DEPDC5: variants seen among roughly 807,000 people sequenced by gnomAD.
DEPDC5 encodes DEP domain containing 5, GATOR1 subcomplex subunit, also known as GATOR1 complex protein DEPDC5.
A neutral mutation model predicts 217.3 loss-of-function variants in DEPDC5; 73 were observed. The ratio of observed to expected loss-of-function variants is 0.34; its 90% CI spans 0.28 to 0.41. DEPDC5 has a LOEUF of 0.41. Among genes scored for constraint, DEPDC5 ranks in the 10% least tolerant of loss-of-function variants. DEPDC5 has a pLI of 1.00. For missense variants in DEPDC5, 1,675 were observed against 2,070.1 expected (o/e 0.81, Z 3.70); for synonymous variants, 733 against 756.7 (o/e 0.97, Z 0.51).
chr22:31,879,195 C>T (rs566280226), intron 37 of DEPDC5, among the ~76,000 whole-genome samples: 5 of 151,134 alleles, frequency 3.3e-5, no homozygotes, highest in African/African-American at 1.2e-4. Context: ...AAATGAACAG[C>T]TCAGTGCATT....
intron 18 of DEPDC5, among the ~76,000 whole-genome samples, chr22:31,808,853 TTG>T (rs1476773524): frequency 6.6e-6 from 1 of 151,948 alleles, no homozygotes; most frequent in African/African-American, 2.4e-5. Flanking sequence ...GCATGAGCCT[TTG>T]TACTCGGCTA....
chr22:31,884,417 C>G (rs1242392305), intron 38 of DEPDC5, among the ~76,000 whole-genome samples: 1 of 152,232 alleles, frequency 6.6e-6, no homozygotes, highest in Non-Finnish European at 1.5e-5. Context: ...GAACAGCCTT[C>G]CCAATGCAGG....
chr22:31,817,518 T>C, intron 21 of DEPDC5: 1 of 440,578 alleles, frequency 2.3e-6, no homozygotes. Flanking sequence ...AGACAGGTTC[T>C]CACTCTGTTG....
At chr22:31,898,550 G>A (rs753400906) in intron 40 of DEPDC5, among the ~76,000 whole-genome samples, 22 of 152,184 alleles carry the variant, frequency 1.4e-4, no homozygotes, top group Non-Finnish European at 1.5e-4. Flanking sequence ...ACGTAAGAGA[G>A]ATGCTTTCTT....
chr22:31,897,060 G>A (rs939530357), intron 39 of DEPDC5, among the ~76,000 whole-genome samples: 3 of 151,974 alleles, frequency 2.0e-5, no homozygotes, highest in Admixed American at 2.0e-4. Context: ...GAGGTTGCAG[G>A]GAGCTGAGAT....
intron 37 of DEPDC5, among the ~76,000 whole-genome samples, chr22:31,878,405 G>A (rs2093064972): frequency 6.6e-6 from 1 of 152,100 alleles, no homozygotes; most frequent in African/African-American, 2.4e-5. Context: ...TTTGAGGTAT[G>A]AAACTGATCA....
chr22:31,887,876 A>C (rs1157294821), intron 38 of DEPDC5, among the ~76,000 whole-genome samples: 1 of 152,158 alleles, frequency 6.6e-6, no homozygotes, highest in East Asian at 1.9e-4. Flanking sequence ...TGTTTTCTTT[A>C]AATTGAGCTG....
intron 7 of DEPDC5, among the ~76,000 whole-genome samples, chr22:31,774,345 A>T (rs924598352): frequency 6.6e-6 from 1 of 151,304 alleles, no homozygotes; most frequent in Admixed American, 6.6e-5. Flanking sequence ...GATCACAGGC[A>T]CCCGCCACCA....
intron 10 of DEPDC5, 47 bp from the exon 11 acceptor site, chr22:31,791,986 A>G: frequency 1.6e-6 from 2 of 1,216,582 alleles, no homozygotes; most frequent in South Asian, 2.5e-5. Context: ...TTCATAGTGA[A>G]GTAAATGAAA....
At chr22:31,879,502 T>C (rs1447233854) in intron 37 of DEPDC5, 23 bp from the exon 38 acceptor site, 8 of 1,601,206 alleles carry the variant, frequency 5.0e-6, no homozygotes, top group Non-Finnish European at 5.9e-6. Context: ...GAGTACTCCT[T>C]CTCTCCCCTC....
intron 38 of DEPDC5, among the ~76,000 whole-genome samples, chr22:31,887,579 A>G (rs1376144190): frequency 6.6e-6 from 1 of 152,144 alleles, no homozygotes; most frequent in Non-Finnish European, 1.5e-5. Context: ...GAAACTAGGC[A>G]GAGTTTTGTG....
At chr22:31,825,628 T>C (rs2090084105) in intron 24 of DEPDC5, among the ~76,000 whole-genome samples, 1 of 152,202 alleles carries the variant, frequency 6.6e-6, no homozygotes, top group African/African-American at 2.4e-5. Flanking sequence ...CTCACTGCAT[T>C]GTTCAGACTC....
chr22:31,829,424 T>C (rs1385369094), intron 24 of DEPDC5, among the ~76,000 whole-genome samples: 1 of 151,896 alleles, frequency 6.6e-6, no homozygotes, highest in East Asian at 1.9e-4. Context: ...CCCAGCGACT[T>C]GGGAGGCTGA....
chr22:31,827,707 C>G (rs2090264801), intron 24 of DEPDC5, among the ~76,000 whole-genome samples: 1 of 152,190 alleles, frequency 6.6e-6, no homozygotes, highest in African/African-American at 2.4e-5. Flanking sequence ...CTCCTGCTTT[C>G]TCCCTCTCAT....
intron 38 of DEPDC5, among the ~76,000 whole-genome samples, chr22:31,884,347 A>G (rs1206274276): frequency 3.3e-5 from 5 of 152,248 alleles, no homozygotes; most frequent in African/African-American, 1.2e-4. Flanking sequence ...TGACAGGCAC[A>G]CACTCTCTCC....
chr22:31,865,126 G>A (rs1332990554), intron 33 of DEPDC5, among the ~76,000 whole-genome samples: 1 of 152,118 alleles, frequency 6.6e-6, no homozygotes, highest in Non-Finnish European at 1.5e-5. Flanking sequence ...GCACCCAGCC[G>A]TATTTTTTTT....
At chr22:31,770,791 CTTT>C (rs1156973076) in intron 7 of DEPDC5, among the ~76,000 whole-genome samples, 12 of 120,078 alleles carry the variant, frequency 1.0e-4, no homozygotes, top group Non-Finnish European at 6.9e-5. Flanking sequence ...ATCTACTTTT[CTTT>C]TTTTTTTTTT....
At chr22:31,854,460 G>GT (rs1461011586) in intron 31 of DEPDC5, among the ~76,000 whole-genome samples, 1 of 152,216 alleles carries the variant, frequency 6.6e-6, no homozygotes, top group Non-Finnish European at 1.5e-5. Context: ...CTAGCACCTA[G>GT]TTTTTTGTCC....
chr22:31,860,655 G>A (rs2092475283), intron 32 of DEPDC5, among the ~76,000 whole-genome samples: 1 of 152,082 alleles, frequency 6.6e-6, no homozygotes, highest in Non-Finnish European at 1.5e-5. Flanking sequence ...CAATGTGAGT[G>A]CTTGTGTATC....
Sources: allele counts gnomAD v4.1 joint callset (sites outside exome capture counted in the v4.1 genomes callset), GRCh38; gene constraint gnomAD v4.1.1; transcripts MANE v1.5; gene names NCBI Gene and HGNC (gene_info 2026-07-23, HGNC 2026-07-21).